AKR1C1: variants seen among roughly 807,000 people sequenced by gnomAD.
AKR1C1 encodes the protein 20 alpha-hydroxysteroid dehydrogenase.
AKR1C1 carries 32 observed loss-of-function variants against 40.6 expected under a neutral mutation model. The observed-to-expected ratio is 0.79, with a 90% CI of 0.60 to 1.06. AKR1C1 has a LOEUF of 1.06. AKR1C1 is among the 50% of genes least tolerant of loss of function. The pLI is 0.00. For missense variants in AKR1C1, 320 were observed against 363.5 expected (o/e 0.88, Z 0.97); for synonymous variants, 105 against 134.2 (o/e 0.78, Z 1.50).
At chr10:4,972,428 A>G in intron 6 of AKR1C1, 118 bp downstream of exon 6, 1 of 1,378,148 alleles carries the variant, frequency 7.3e-7, no homozygotes, top group Non-Finnish European at 9.9e-7. Context: ...AAGAATTTGC[A>G]TTTCTGACGA....
In AKR1C1 at chr10:4,972,706, T is replaced by C; in HGVS notation, c.803T>C (p.Leu268Pro). Residue 268 changes from leucine to proline, a missense_variant, in exon 7 of 9, where the codon CTG (leucine) becomes CCG (proline). This residue lies in a region of AKR1C1 where 77 missense variants were observed against 125.3 expected (regional missense o/e 0.61). Coordinates refer to ENST00000380872, the MANE Select transcript of AKR1C1 (RefSeq NM_001353.6). ...CAGCTACAGCGTGGGGTTGTGGTCC[T>C]GGCCAAGAGCTACAATGAGCAGCGC... ...RYQLQRGVVVLAKSYNEQRIR... is the reference protein window; with the variant it reads ...RYQLQRGVVVPAKSYNEQRIR... 1 of 1,612,482 alleles carries C rather than the reference T, an allele frequency of 6.2e-7. No homozygotes were observed. The highest frequency in any genetic ancestry group is 8.5e-7 in the Non-Finnish European group (1 of 1,180,014).
chr10:4,971,459 T>A (rs1394956829), intron 5 of AKR1C1, among the ~76,000 whole-genome samples: 1 of 148,796 alleles, frequency 6.7e-6, no homozygotes, highest in Non-Finnish European at 1.5e-5. Flanking sequence ...ATTTTTAATT[T>A]ATTTTACTCA....
chr10:4,965,227 C>G (rs551118923), intron 1 of AKR1C1, among the ~76,000 whole-genome samples: 22 of 152,266 alleles, frequency 1.4e-4, no homozygotes, highest in African/African-American at 5.1e-4. Context: ...TATTTCCTTC[C>G]ATGTGGCTAT....
chr10:4,965,806 T>C, intron 1 of AKR1C1, 108 bp from the exon 2 acceptor site: 1 of 1,301,460 alleles, frequency 7.7e-7, no homozygotes, highest in Non-Finnish European at 1.1e-6. Flanking sequence ...CATACAGAAC[T>C]CATCCAAGAA....
Position 4,979,488 on chromosome 10 carries a change from A to G in AKR1C1, c.*1746A>G, listed in dbSNP as rs1273959342. 2 of 152,288 alleles carry G rather than the reference A, an allele frequency of 1.3e-5. No individual in the cohort carries two copies. Among genetic ancestry groups the G allele is most frequent in the South Asian group, 4.1e-4 (2 of 4,834 alleles). 9.4% of individuals were successfully genotyped at this position (152,288 alleles called of 1,614,324 possible). ...TAACTTTCTGAGTCTATGGAATGAT[A>G]ATTTCACATCTCATAAACTTGACTG... is the stretch of plus-strand genomic sequence containing the variant. On this transcript the variant is annotated 3_prime_UTR_variant, in exon 9 of 9. Transcript: ENST00000380872.
intron 1 of AKR1C1, among the ~76,000 whole-genome samples, chr10:4,964,981 C>T (rs770093423): frequency 5.9e-5 from 9 of 152,180 alleles, no homozygotes; most frequent in Admixed American, 6.5e-5. Context: ...GTGCAAACTG[C>T]GGAGTTTCTG....
chr10:4,977,202 C>A (rs1554770573), intron 8 of AKR1C1, among the ~76,000 whole-genome samples: 1 of 152,184 alleles, frequency 6.6e-6, no homozygotes, highest in African/African-American at 2.4e-5. Flanking sequence ...ATATCAAAAA[C>A]AACAATTTAC....
rs1836342437 is a variant in AKR1C1 at position 4,966,934 on chromosome 10, G to A, written c.260G>A (p.Cys87Tyr). ...TTTCTCTAACCTCTGCAGCTTTGGTGCAATTCCCATCGACCAGAGTTGGTC... is the reference window on the plus strand; with the variant it reads ...TTTCTCTAACCTCTGCAGCTTTGGTACAATTCCCATCGACCAGAGTTGGTC... ...EDIFYTSKLW[C>Y]NSHRPELVRP... The change falls in exon 3 of 9, where the codon TGC becomes TAC. Residue 87 changes from cysteine (C) to tyrosine (Y), a missense_variant. Coordinates refer to ENST00000380872, the MANE Select transcript of AKR1C1 (RefSeq NM_001353.6). The A allele has an allele frequency of 6.2e-7, 1 of 1,612,506 alleles. No homozygotes were observed. The highest frequency in any genetic ancestry group is 1.1e-5 in the South Asian group (1 of 90,712).
At chr10:4,969,645 A>G (rs1203095559) in intron 5 of AKR1C1, 16 of 1,606,224 alleles carry the variant, frequency 1.0e-5, no homozygotes, top group Admixed American at 1.7e-5. Flanking sequence ...CTGCTTAAAC[A>G]CATCTATTCT....
rs1554771033 is a variant in AKR1C1, at chr10:4,981,020, G to C, written c.*3278G>C. 4 of 152,202 alleles carry C rather than the reference G, an allele frequency of 2.6e-5. No homozygotes were observed. Among genetic ancestry groups the C allele is most frequent in the Non-Finnish European group, 4.4e-5 (3 of 68,030 alleles). 9.4% of individuals were successfully genotyped at this position (152,202 alleles called of 1,614,324 possible). On this transcript the variant is annotated 3_prime_UTR_variant, in exon 9 of 9. Transcript: ENST00000380872. Reference sequence around the variant, plus strand: ...AAACAGAATGCATGTTGTGTTAGCAGGCATGGAAAGAACAGTAATCTCTTT... The same window carrying C: ...AAACAGAATGCATGTTGTGTTAGCACGCATGGAAAGAACAGTAATCTCTTT...
intron 7 of AKR1C1, among the ~76,000 whole-genome samples, chr10:4,974,632 T>G (rs1313071475): frequency 1.3e-5 from 2 of 152,102 alleles, no homozygotes; most frequent in African/African-American, 4.8e-5. Flanking sequence ...GCATATCTAA[T>G]TTTTGAATTT....
chr10:4,968,595 G>A (rs1010388277), intron 4 of AKR1C1, among the ~76,000 whole-genome samples: 7 of 152,276 alleles, frequency 4.6e-5, no homozygotes, highest in South Asian at 4.1e-4. Flanking sequence ...AAGGAGGACT[G>A]GGATTTATTT....
chr10:4,964,799 A>G (rs1441207068), intron 1 of AKR1C1, among the ~76,000 whole-genome samples: 2 of 152,190 alleles, frequency 1.3e-5, no homozygotes, highest in African/African-American at 2.4e-5. Flanking sequence ...TACACCTACT[A>G]TTTAGTTCTG....
At position 4,978,512 on chromosome 10, in the gene AKR1C1, T is replaced by G. The variant is rs4581339; in HGVS notation, c.*770T>G. 103,816 of 150,974 alleles carry G rather than the reference T, an allele frequency of 0.69. 35,846 individuals are homozygous for G. Among genetic ancestry groups the G allele is most frequent in the East Asian group, 0.8 (4,102 of 5,116 alleles). The allele number at this position is 150,974 out of a possible 1,614,324, so 9.4% of individuals were successfully genotyped here. A position where few individuals can be genotyped will look rare whatever the true frequency, so the allele number is the denominator to read the frequency against. Reference sequence around the variant, plus strand: ...GGCCTGAATCTTTGATGTGTGCCCATTCACAACGTTGACCCTATTGGTTTG... The same window carrying G: ...GGCCTGAATCTTTGATGTGTGCCCAGTCACAACGTTGACCCTATTGGTTTG... On this transcript the variant is annotated 3_prime_UTR_variant, in exon 9 of 9. Coordinates refer to ENST00000380872, the MANE Select transcript of AKR1C1 (RefSeq NM_001353.6).
In AKR1C1 at chr10:4,981,792, A is replaced by C. The variant is rs7906245; in HGVS notation, c.*4050A>C. On this transcript the variant is annotated 3_prime_UTR_variant, in exon 9 of 9. Transcript: ENST00000380872. ...AGCAGAATCCACAGGGGAGAGCTGGAAGTGCATGGCAGATATGAGCACAGA... is the reference window on the plus strand; with the variant it reads ...AGCAGAATCCACAGGGGAGAGCTGGCAGTGCATGGCAGATATGAGCACAGA... 2 of 152,066 alleles carry C rather than the reference A, an allele frequency of 1.3e-5. No individual in the cohort carries two copies. The highest frequency in any genetic ancestry group is 2.9e-5 in the Non-Finnish European group (2 of 68,044). The allele number at this position is 152,066 out of a possible 1,614,324, so 9.4% of individuals were successfully genotyped here. A position where few individuals can be genotyped will look rare whatever the true frequency, so the allele number is the denominator to read the frequency against.
At chr10:4,969,500 A>G (rs7083246) in intron 5 of AKR1C1, among the ~76,000 whole-genome samples, 49,306 of 147,336 alleles carry the variant, frequency 0.33, 8,976 homozygotes, top group African/African-American at 0.49. Flanking sequence ...AAGAGAAAAT[A>G]ACCTGTTTAT....
In AKR1C1 at chr10:4,968,861, A is replaced by C. The variant is rs1171445361; in HGVS notation, c.487A>C (p.Ile163Leu). The C allele has an allele frequency of 1.5e-5, 24 of 1,614,186 alleles. No individual in the cohort carries two copies. The highest frequency in any genetic ancestry group is 1.9e-5 in the Non-Finnish European group (23 of 1,180,030). ...TAAAGATGCAGGATTGGCCAAGTCCATCGGGGTGTCCAACTTCAACCGCAG... is the reference window on the plus strand; with the variant it reads ...TAAAGATGCAGGATTGGCCAAGTCCCTCGGGGTGTCCAACTTCAACCGCAG... ...KCKDAGLAKSIGVSNFNRRQL... is the reference protein window; with the variant it reads ...KCKDAGLAKSLGVSNFNRRQL... Residue 163 changes from isoleucine (I) to leucine (L), a missense_variant, in exon 5 of 9, where the codon ATC becomes CTC. This residue lies in a region of AKR1C1 where 214 missense variants were observed against 214.8 expected (regional missense o/e 1.00). Coordinates refer to ENST00000380872, the MANE Select transcript of AKR1C1 (RefSeq NM_001353.6).
At chr10:4,967,592 G>A (rs1170019840) in intron 3 of AKR1C1, 4 of 918,574 alleles carry the variant, frequency 4.4e-6, no homozygotes, top group Non-Finnish European at 5.2e-6. Flanking sequence ...TTGTCTTAAG[G>A]TACTGAAAAC....
intron 1 of AKR1C1, chr10:4,964,041 T>C: frequency 3.6e-6 from 2 of 556,350 alleles, no homozygotes; most frequent in Non-Finnish European, 6.4e-6. Flanking sequence ...CCTGAAACGA[T>C]AAAATATCCT....
Sources: gnomAD v4.1 joint callset for allele counts (sites outside exome capture counted in the v4.1 genomes callset) on GRCh38, gnomAD v4.1.1 for gene constraint, gnomAD v4.1.1 regional missense constraint, MANE v1.5 for transcripts, NCBI Gene and HGNC (gene_info 2026-07-23, HGNC 2026-07-21) for gene names.